Variants in HUWE1 observed in about 807,000 individuals in gnomAD.
HUWE1 encodes E3 ubiquitin-protein ligase HUWE1.
HUWE1 carries 18 observed loss-of-function variants against 299.4 expected under a neutral mutation model. The ratio of observed to expected loss-of-function variants is 0.06; its 90% CI spans 0.04 to 0.09. The LOEUF (loss-of-function observed/expected upper bound fraction) is 0.09. HUWE1 is among the 10% of genes least tolerant of loss of function. The pLI is 1.00. For synonymous variants in HUWE1, 1,317 were observed against 1,286.1 expected, an observed-to-expected ratio of 1.02 and a Z score of -0.51; for missense variants, 1,832 against 3,462.3, an observed-to-expected ratio of 0.53 and a Z score of 11.82.
At chrX:53,669,996 T>A (rs782582181) in intron 3 of HUWE1, among the ~76,000 whole-genome samples, 44 of 112,300 alleles carry the variant, frequency 3.9e-4, no homozygotes, top group African/African-American at 1.4e-3. Flanking sequence ...AAGATGGACT[T>A]AGAAAGCAGC....
At chrX:53,682,375 G>A (rs1303592147) in intron 2 of HUWE1, among the ~76,000 whole-genome samples, 1 of 111,571 alleles carries the variant, frequency 9.0e-6, no homozygotes, top group Non-Finnish European at 1.9e-5. Context: ...CCAGACCGCC[G>A]CCTATGACTG....
At chrX:53,550,326 A>G (rs1205029411) in intron 66 of HUWE1, among the ~76,000 whole-genome samples, 2 of 111,799 alleles carry the variant, frequency 1.8e-5, no homozygotes, top group African/African-American at 3.3e-5. Context: ...TCACTCCTCT[A>G]TACTTCCTTA....
Position 53,539,744 on chromosome X carries a change from C to T in HUWE1, c.11545G>A (p.Glu3849Lys), listed in dbSNP as rs782520065. 1 of 1,210,214 alleles carries T rather than the reference C, an allele frequency of 8.3e-7. No individual in the cohort carries two copies. The highest frequency in any genetic ancestry group is 1.1e-6 in the Non-Finnish European group (1 of 893,871). The part of the protein sequence containing the change: ...ERPPELPLLS[E>K]QLSLDELWDM... ...CACAGCTCGTCCAAACTCAGCTGCT[C>T]GCTGAGCAGGGGTAACTCAGGTGGT... Residue 3849 changes from glutamate to lysine, a missense_variant, in exon 75 of 84, where the codon GAG becomes AAG. Transcript: ENST00000262854.
intron 31 of HUWE1, among the ~76,000 whole-genome samples, 172 bp downstream of exon 31, chrX:53,594,327 T>A (rs2064335172): frequency 9.0e-6 from 1 of 111,537 alleles, no homozygotes; most frequent in African/African-American, 3.3e-5. Flanking sequence ...CCCTCCAAGG[T>A]AAATGGAGAC....
chrX:53,651,903 C>T (rs1473393892), intron 4 of HUWE1, among the ~76,000 whole-genome samples: 4 of 111,540 alleles, frequency 3.6e-5, no homozygotes, highest in South Asian at 7.5e-4. Flanking sequence ...TGTCCCTCTG[C>T]GGCTGACTTA....
chrX:53,580,286 T>G (rs782082434), intron 43 of HUWE1, among the ~76,000 whole-genome samples: 1 of 112,242 alleles, frequency 8.9e-6, no homozygotes, highest in South Asian at 3.7e-4. Flanking sequence ...CCAAGGCTGG[T>G]GGTGATTATC....
At position 53,547,758 on chromosome X, in the gene HUWE1, C is replaced by A. The variant is rs61730217; in HGVS notation, c.10551G>T (p.Leu3517=). Residue 3517 remains leucine (L), a synonymous_variant, in exon 68 of 84, where the codon CTG becomes CTT. Coordinates refer to ENST00000262854, the MANE Select transcript of HUWE1 (RefSeq NM_031407.7). Reference sequence around the variant, plus strand: ...TGGTGGAAATAGCCGTGGCAGCAACCAGGGCTGGAGCAGAAGTGACAGGGG... The same window carrying A: ...TGGTGGAAATAGCCGTGGCAGCAACAAGGGCTGGAGCAGAAGTGACAGGGG... The part of the protein sequence containing the change: ...APTPVTSAPA[L]VAATAISTIV... 1.2e-3 allele frequency: 1,491 copies of A among 1,201,794 alleles called. 13 individuals carry two copies. In the African/African-American group the frequency reaches 0.024, roughly 20 times the overall value.
At chrX:53,620,426 A>G (rs1437395899) in intron 19 of HUWE1, among the ~76,000 whole-genome samples, 13 of 110,481 alleles carry the variant, frequency 1.2e-4, no homozygotes. Context: ...TTTGTTGTAG[A>G]GACAGGATTT....
intron 32 of HUWE1, 84 bp from the exon 33 acceptor site, chrX:53,592,712 G>A (rs1177709425): frequency 1.4e-6 from 1 of 697,171 alleles, no homozygotes; most frequent in Non-Finnish European, 2.2e-6. Flanking sequence ...CTATGGAACA[G>A]TCCTTCCACA....
intron 61 of HUWE1, among the ~76,000 whole-genome samples, chrX:53,554,358 G>A (rs782499714): frequency 4.5e-5 from 5 of 110,417 alleles, no homozygotes; most frequent in Admixed American, 9.7e-5. Context: ...CAGCTGGAGA[G>A]TTGTTTTTAA....
In HUWE1 at chrX:53,552,856, T is replaced by C; in HGVS notation, c.8532A>G (p.Ala2844=). 8.3e-7 allele frequency: 1 copy of C among 1,210,845 alleles called. No homozygotes were observed. The highest frequency in any genetic ancestry group is 1.8e-5 in the South Asian group (1 of 56,936). The change falls in exon 62 of 84, where the codon GCA becomes GCG. Residue 2844 remains alanine (A), a synonymous_variant. Coordinates refer to ENST00000262854, the MANE Select transcript of HUWE1 (RefSeq NM_031407.7). ...CTAGCTGACTGCTGACAGCCGTCAG[T>C]GCATCAGAATCCTCAGCTCTCTCTG... ...LSPERAEDSD[A]LTAVSSQLEG...
chrX:53,636,733 A>C (rs1279443061), intron 7 of HUWE1, among the ~76,000 whole-genome samples: 1 of 111,987 alleles, frequency 8.9e-6, no homozygotes, highest in Non-Finnish European at 1.9e-5. Context: ...GGTAACAAAC[A>C]CCTGGTGCTA....
intron 43 of HUWE1, among the ~76,000 whole-genome samples, chrX:53,577,804 G>A (rs868963065): frequency 1.7e-5 from 2 of 114,758 alleles, no homozygotes; most frequent in East Asian, 2.7e-4. Context: ...GATTGCAGAC[G>A]GAGTCTCGTT....
At chrX:53,576,779 C>T in intron 44 of HUWE1, 121 bp downstream of exon 44, 1 of 667,450 alleles carries the variant, frequency 1.5e-6, no homozygotes, top group Non-Finnish European at 2.4e-6. Context: ...TCTTATTCAT[C>T]TTGAGCCCCA....
chrX:53,645,882 T>C (rs1331934985), intron 6 of HUWE1, among the ~76,000 whole-genome samples: 1 of 106,195 alleles, frequency 9.4e-6, no homozygotes, highest in African/African-American at 3.4e-5. Context: ...TGGTTCAAAA[T>C]TGCGCAGGTT....
At chrX:53,575,327 TTTG>T (rs1425424673) in intron 45 of HUWE1, 106 bp from the exon 46 acceptor site, 1 of 606,521 alleles carries the variant, frequency 1.6e-6, no homozygotes, top group Non-Finnish European at 2.8e-6. Context: ...ACAGATTCTC[TTTG>T]GCCAACCTTT....
In HUWE1 at chrX:53,559,080, G is replaced by C; in HGVS notation, c.7916-20C>G. On this transcript the variant is annotated intron_variant, in intron 57 of 83. Transcript: ENST00000262854. ...GGGTTCCTGTAGGGACAGCAAAGGGGAATGAGATTCTTGGCCTTGTCAAGC... is the reference window on the plus strand; with the variant it reads ...GGGTTCCTGTAGGGACAGCAAAGGGCAATGAGATTCTTGGCCTTGTCAAGC... 1 of 1,124,789 alleles carries C rather than the reference G, an allele frequency of 8.9e-7. No homozygotes were observed. The highest frequency in any genetic ancestry group is 1.8e-5 in the African/African-American group (1 of 55,544). 92.7% of individuals were successfully genotyped at this position (1,124,789 alleles called of 1,213,427 possible).
At chrX:53,602,888 T>G (rs980090451) in intron 27 of HUWE1, among the ~76,000 whole-genome samples, 2 of 106,539 alleles carry the variant, frequency 1.9e-5, no homozygotes, top group Admixed American at 2.0e-4. Context: ...TCTCACTCTT[T>G]CGCCTGGGCT....
intron 13 of HUWE1, 72 bp downstream of exon 13, chrX:53,629,444 A>C (rs934669470): frequency 1.1e-5 from 8 of 697,766 alleles, no homozygotes; most frequent in Non-Finnish European, 1.9e-5. Flanking sequence ...CCCCCCAAAA[A>C]AGTCTCAAAT....
Sources: gnomAD v4.1 joint callset for allele counts (sites outside exome capture counted in the v4.1 genomes callset) on GRCh38, gnomAD v4.1.1 for gene constraint, MANE v1.5 for transcripts, NCBI Gene and HGNC (gene_info 2026-07-23, HGNC 2026-07-21) for gene names.